The following RMDN2 variants were observed in gnomAD, a reference collection of about 807,000 sequenced individuals.
RMDN2 encodes regulator of microtubule dynamics 2.
RMDN2 carries 61 observed loss-of-function variants against 52.8 expected under a neutral mutation model. That is an observed-to-expected ratio of 1.16 (90% CI 0.94 to 1.43). The LOEUF is 1.43. Ranked by LOEUF, RMDN2 falls within the 40% of genes most tolerant of loss-of-function variation. The pLI, the probability that RMDN2 is intolerant of heterozygous loss-of-function variation, is 0.00. For missense variants in RMDN2, 592 were observed against 475.3 expected, an observed-to-expected ratio of 1.25 and a Z score of -2.28; for synonymous variants, 180 against 153.1, an observed-to-expected ratio of 1.18 and a Z score of -1.30.
chr2:37,930,877 C>T (rs1476914641), intron 2 of RMDN2, among the ~76,000 whole-genome samples: 1 of 152,100 alleles, frequency 6.6e-6, no homozygotes, highest in Non-Finnish European at 1.5e-5. Flanking sequence ...GGCCTTCCGC[C>T]TCCGCCTGAC....
intron 2 of RMDN2, among the ~76,000 whole-genome samples, chr2:37,948,670 C>T (rs1337588636): frequency 3.3e-5 from 5 of 152,160 alleles, no homozygotes; most frequent in South Asian, 2.1e-4. Context: ...TCACCTAGAA[C>T]GATATTAATC....
rs778768073 is a variant in RMDN2, at chr2:37,943,772, A to C, written c.452+14043A>C. ...ACTCCTCCCCTATCCTTCTAAATTA[A>C]CTTTGCGAAGTTGGAGTGTAGTCTT... is the stretch of plus-strand genomic sequence containing the variant. On this transcript the variant is annotated intron_variant, in intron 2 of 10. Transcript: ENST00000354545. Among the ~76,000 whole-genome samples the C allele has an allele frequency of 4.1e-4, 62 of 152,144 alleles. 1 individual carries two copies. The highest frequency in any genetic ancestry group is 1.2e-3 in the Admixed American group (19 of 15,282).
intron 10 of RMDN2, among the ~76,000 whole-genome samples, chr2:38,025,409 T>TTA (rs945666671): frequency 6.6e-6 from 1 of 152,122 alleles, no homozygotes; most frequent in African/African-American, 2.4e-5. Flanking sequence ...ACTACTGTGA[T>TTA]TATATCAGTT....
At chr2:37,961,082 T>C (rs1670165784) in intron 2 of RMDN2, among the ~76,000 whole-genome samples, 1 of 152,228 alleles carries the variant, frequency 6.6e-6, no homozygotes. Flanking sequence ...GGGCTTCCCT[T>C]TGTTGGTAAC....
At chr2:38,033,025 A>C (rs943915562) in intron 10 of RMDN2, 18 of 152,206 alleles carry the variant, frequency 1.2e-4, no homozygotes, top group African/African-American at 4.3e-4. Flanking sequence ...TTGAAAATAC[A>C]TGAGAATTTC....
At chr2:37,975,084 C>G in intron 3 of RMDN2, 128 bp from the exon 4 acceptor site, 1 of 665,774 alleles carries the variant, frequency 1.5e-6, no homozygotes, top group South Asian at 1.7e-5. Context: ...TATGCATATA[C>G]ATAGATTCAA....
intron 5 of RMDN2, among the ~76,000 whole-genome samples, chr2:37,985,705 A>G (rs1426387831): frequency 2.6e-5 from 4 of 152,184 alleles, no homozygotes; most frequent in Admixed American, 1.3e-4. Context: ...GTAACAGGGT[A>G]TATGATGGAT....
intron 10 of RMDN2, among the ~76,000 whole-genome samples, chr2:38,011,888 C>G (rs114921213): frequency 6.6e-6 from 1 of 152,140 alleles, no homozygotes; most frequent in African/African-American, 2.4e-5. Context: ...TTGTACCAGC[C>G]TCCCAGTCAT....
chr2:37,951,698 CT>C, intron 2 of RMDN2: 1 of 1,612,608 alleles, frequency 6.2e-7, no homozygotes, highest in African/African-American at 1.3e-5. Context: ...AAATCGAAAT[CT>C]TTTCTAAAAC....
chr2:38,066,921 G>A (rs1022341651), intron 10 of RMDN2: 11 of 1,577,766 alleles, frequency 7.0e-6, no homozygotes, highest in South Asian at 3.3e-5. Flanking sequence ...AGGTTCCCAC[G>A]CCAAAGTTTC....
chr2:38,064,805 T>C (rs76711546), intron 10 of RMDN2, among the ~76,000 whole-genome samples: 1 of 152,200 alleles, frequency 6.6e-6, no homozygotes, highest in East Asian at 1.9e-4. Flanking sequence ...GTAATGCATC[T>C]CTCTCCCAAG....
chr2:37,975,817 C>T (rs1026522679), intron 4 of RMDN2, among the ~76,000 whole-genome samples: 5 of 152,116 alleles, frequency 3.3e-5, no homozygotes, highest in African/African-American at 4.8e-5. Flanking sequence ...AATGTACACT[C>T]TCAGAACAGA....
upstream of RMDN2, among the ~76,000 whole-genome samples, chr2:37,922,315 T>C (rs554124357): frequency 6.6e-6 from 1 of 151,796 alleles, no homozygotes; most frequent in East Asian, 1.9e-4. Flanking sequence ...AACAAGGAAC[T>C]AGAAAATGAA....
intron 8 of RMDN2, among the ~76,000 whole-genome samples, chr2:38,002,126 A>G (rs1676402621): frequency 6.6e-6 from 1 of 152,162 alleles, no homozygotes; most frequent in Admixed American, 6.5e-5. Flanking sequence ...GTACAGAATA[A>G]AATGTCTTTT....
chr2:37,990,889 A>G (rs1674701221), intron 6 of RMDN2, among the ~76,000 whole-genome samples: 1 of 152,128 alleles, frequency 6.6e-6, no homozygotes, highest in South Asian at 2.1e-4. Flanking sequence ...GTCATTTGAT[A>G]TTTGTAAGCT....
intron 2 of RMDN2, among the ~76,000 whole-genome samples, chr2:37,970,551 TAAAC>T (rs1671676179): frequency 6.6e-6 from 1 of 152,156 alleles, no homozygotes; most frequent in South Asian, 2.1e-4. Flanking sequence ...TTTTATAAAA[TAAAC>T]CTGAGGGGCA....
At chr2:37,958,661 C>T (rs1398530160) in intron 2 of RMDN2, among the ~76,000 whole-genome samples, 3 of 150,878 alleles carry the variant, frequency 2.0e-5, no homozygotes, top group African/African-American at 7.5e-5. Context: ...CTGGCCAGAA[C>T]TTCCAATACT....
chr2:38,040,645 G>C (rs1558581128), intron 10 of RMDN2, among the ~76,000 whole-genome samples: 1 of 152,188 alleles, frequency 6.6e-6, no homozygotes, highest in Non-Finnish European at 1.5e-5. Context: ...AGACAGTCCT[G>C]AAGTCAGGTA....
chr2:37,974,207 A>G lies in RMDN2; in HGVS notation c.620A>G (p.Lys207Arg). 6.2e-7 allele frequency: 1 copy of G among 1,610,078 alleles called. No homozygotes were observed. The highest frequency in any genetic ancestry group is 1.1e-5 in the South Asian group (1 of 90,402). The change falls in exon 3 of 11, where the codon AAA becomes AGA. Residue 207 changes from lysine (K) to arginine (R), a missense_variant. Physicochemically the swap from Lys to Arg is conservative, Grantham distance 26 (BLOSUM62 2). Transcript: ENST00000354545. ...AGTTTTGAACTACTTCGTGACCACA[A>G]AGAAAAGGTAAGAGACATAACAATA... is the stretch of plus-strand genomic sequence containing the variant. ...SESFELLRDH[K>R]EKFRDEIEFM...
Sources: allele counts gnomAD v4.1 joint callset (sites outside exome capture counted in the v4.1 genomes callset), GRCh38; gene constraint gnomAD v4.1.1; transcripts MANE v1.5; gene names NCBI Gene and HGNC (gene_info 2026-07-23, HGNC 2026-07-21).